Variants in PKIG observed in about 807,000 individuals in gnomAD.
The protein encoded by PKIG is cAMP-dependent protein kinase inhibitor gamma.
PKIG carries 1 observed loss-of-function variant against 6.8 expected under a neutral mutation model. That is an observed-to-expected ratio of 0.15 (90% confidence interval 0.05 to 0.69). The LOEUF (loss-of-function observed/expected upper bound fraction) is 0.69, where lower values mean the gene tolerates loss of function less well. Among genes scored for constraint, PKIG ranks in the 30% least tolerant of loss-of-function variants. The pLI, the probability that PKIG is intolerant of heterozygous loss-of-function variation, is 0.82. For synonymous variants in PKIG, 39 were observed against 43.0 expected, an observed-to-expected ratio of 0.91 and a Z score of 0.36; for missense variants, 77 against 104.0, an observed-to-expected ratio of 0.74 and a Z score of 1.13.
intron 1 of PKIG, among the ~76,000 whole-genome samples, chr20:44,544,064 CAAAAA>C (rs543416378): frequency 2.8e-5 from 2 of 72,706 alleles, no homozygotes; most frequent in Admixed American, 1.2e-4. Context: ...AACTCCGCCT[CAAAAA>C]AAAAAAAAAA....
chr20:44,582,969 C>G (rs896027810), intron 1 of PKIG, among the ~76,000 whole-genome samples: 2 of 152,214 alleles, frequency 1.3e-5, no homozygotes, highest in African/African-American at 2.4e-5. Context: ...CATTTTTACT[C>G]AAAGAACTTT....
intron 1 of PKIG, among the ~76,000 whole-genome samples, chr20:44,565,820 T>G (rs1026462959): frequency 2.0e-5 from 3 of 152,202 alleles, no homozygotes; most frequent in African/African-American, 7.2e-5. Flanking sequence ...TGGAGTGCAG[T>G]GGCACGATCT....
At chr20:44,576,070 C>T (rs1005563712) in intron 1 of PKIG, among the ~76,000 whole-genome samples, 3 of 151,938 alleles carry the variant, frequency 2.0e-5, no homozygotes, top group Admixed American at 6.6e-5. Context: ...ATCCTTCCTT[C>T]AGCAAAAAGG....
At chr20:44,605,213 G>A (rs2065153483) in intron 2 of PKIG, among the ~76,000 whole-genome samples, 1 of 151,848 alleles carries the variant, frequency 6.6e-6, no homozygotes, top group Non-Finnish European at 1.5e-5. Context: ...AGACCATCCT[G>A]GCTGACACGG....
chr20:44,573,965 A>G (rs1301863511), intron 1 of PKIG, among the ~76,000 whole-genome samples: 2 of 152,198 alleles, frequency 1.3e-5, no homozygotes, highest in African/African-American at 2.4e-5. Flanking sequence ...CAAGTAATAC[A>G]TGAATATGAC....
At chr20:44,566,168 G>A (rs1370233469) in intron 1 of PKIG, among the ~76,000 whole-genome samples, 2 of 152,184 alleles carry the variant, frequency 1.3e-5, no homozygotes, top group Non-Finnish European at 2.9e-5. Context: ...GCAAAATCCA[G>A]CCTGCCACTT....
chr20:44,600,297 G>T (rs2065109902), intron 2 of PKIG, among the ~76,000 whole-genome samples: 1 of 152,190 alleles, frequency 6.6e-6, no homozygotes, highest in East Asian at 1.9e-4. Context: ...GGCATCAGGA[G>T]AGTGGATTTC....
At chr20:44,558,702 CTCTT>C (rs1431825512) in intron 1 of PKIG, among the ~76,000 whole-genome samples, 4 of 146,814 alleles carry the variant, frequency 2.7e-5, no homozygotes, top group African/African-American at 7.5e-5. Flanking sequence ...TCTCTCTCTT[CTCTT>C]TCTTTCTTCC....
At chr20:44,588,653 G>T (rs1004860124) in intron 1 of PKIG, among the ~76,000 whole-genome samples, 4 of 150,882 alleles carry the variant, frequency 2.7e-5, no homozygotes, top group African/African-American at 7.3e-5. Context: ...AAAAAAAAAA[G>T]AAATGGAGTC....
chr20:44,608,983 G>A (rs901472704), intron 2 of PKIG, among the ~76,000 whole-genome samples: 3 of 152,188 alleles, frequency 2.0e-5, no homozygotes, highest in Admixed American at 6.5e-5. Context: ...GAAGTTTACA[G>A]TCTCATTAAC....
intron 1 of PKIG, among the ~76,000 whole-genome samples, chr20:44,551,395 A>C (rs2064667470): frequency 6.6e-6 from 1 of 152,242 alleles, no homozygotes; most frequent in African/African-American, 2.4e-5. Context: ...CTTGGAAAAT[A>C]CATTGCCTCT....
intron 1 of PKIG, among the ~76,000 whole-genome samples, chr20:44,556,415 T>C (rs966114670): frequency 6.6e-6 from 1 of 152,192 alleles, no homozygotes; most frequent in Non-Finnish European, 1.5e-5. Context: ...CAGGCTGGAA[T>C]GCAGTGGCGC....
At chr20:44,561,810 T>C (rs2064769736) in intron 1 of PKIG, among the ~76,000 whole-genome samples, 1 of 152,156 alleles carries the variant, frequency 6.6e-6, no homozygotes, top group South Asian at 2.1e-4. Context: ...GCAAGAATGG[T>C]GCAGAAGCAA....
chr20:44,543,397 C>A (rs4812838), intron 1 of PKIG, among the ~76,000 whole-genome samples: 3,433 of 151,846 alleles, frequency 0.023, 180 homozygotes, highest in Admixed American at 0.14. Context: ...ATAGTAAGTT[C>A]TTTATCAGGC....
At chr20:44,567,735 A>G (rs2123274699) in intron 1 of PKIG, among the ~76,000 whole-genome samples, 1 of 152,360 alleles carries the variant, frequency 6.6e-6, no homozygotes, top group Non-Finnish European at 1.5e-5. Context: ...GGCCAGGCCC[A>G]GGATTAAGAA....
At chr20:44,611,053 T>C (rs1457517336) in intron 2 of PKIG, among the ~76,000 whole-genome samples, 1 of 102,662 alleles carries the variant, frequency 9.7e-6, no homozygotes, top group South Asian at 2.7e-4. Flanking sequence ...ATAGAATGCC[T>C]TTTTTTTTTT....
At chr20:44,544,339 G>A (rs936669681) in intron 1 of PKIG, among the ~76,000 whole-genome samples, 1 of 152,202 alleles carries the variant, frequency 6.6e-6, no homozygotes, top group South Asian at 2.1e-4. Flanking sequence ...GTGAATGGAC[G>A]CTGAGTAGAT....
At chr20:44,578,118 A>G (rs1160459461), upstream of PKIG, among the ~76,000 whole-genome samples, 1 of 151,972 alleles carries the variant, frequency 6.6e-6, no homozygotes, top group Non-Finnish European at 1.5e-5. Context: ...AGGTGGGCGG[A>G]TCACGAGGTC....
chr20:44,565,832 G>A (rs6130638), intron 1 of PKIG, among the ~76,000 whole-genome samples: 1 of 152,092 alleles, frequency 6.6e-6, no homozygotes, highest in Non-Finnish European at 1.5e-5. Flanking sequence ...GCACGATCTC[G>A]GCTCACTACA....
Sources: allele counts gnomAD v4.1 joint callset (sites outside exome capture counted in the v4.1 genomes callset), GRCh38; gene constraint gnomAD v4.1.1; transcripts MANE v1.5; gene names NCBI Gene and HGNC (gene_info 2026-07-23, HGNC 2026-07-21).